Variants in DAB1 observed in about 807,000 individuals in gnomAD.
DAB1 encodes DAB adaptor protein 1, also known as disabled homolog 1.
DAB1 carries 15 observed loss-of-function variants against 64.6 expected under a neutral mutation model. The observed-to-expected ratio is 0.23, with a 90% CI of 0.16 to 0.36. DAB1 has a LOEUF of 0.36. DAB1 is among the 10% of genes least tolerant of loss of function. DAB1 has a pLI of 1.00. For missense variants in DAB1, 596 were observed against 706.7 expected (o/e 0.84, Z 1.78); for synonymous variants, 235 against 251.9 (o/e 0.93, Z 0.64).
intron 6 of DAB1, among the ~76,000 whole-genome samples, chr1:57,817,345 T>A (rs995590758): frequency 2.6e-5 from 4 of 152,196 alleles, no homozygotes; most frequent in Admixed American, 2.6e-4. Flanking sequence ...GGTCTTTGAA[T>A]GAAAATAGAT....
intron 5 of DAB1, among the ~76,000 whole-genome samples, chr1:57,943,062 G>A (rs1247441657): frequency 6.6e-6 from 1 of 152,106 alleles, no homozygotes; most frequent in Non-Finnish European, 1.5e-5. Context: ...CAGAAAAGGA[G>A]ACAATAATTC....
At chr1:57,792,350 A>G (rs1650641611) in intron 6 of DAB1, among the ~76,000 whole-genome samples, 1 of 152,220 alleles carries the variant, frequency 6.6e-6, no homozygotes, top group Non-Finnish European at 1.5e-5. Context: ...TTATTGCCAG[A>G]CAGCAGGCTG....
chr1:58,166,519 C>T (rs1655840647), intron 4 of DAB1, among the ~76,000 whole-genome samples: 2 of 152,156 alleles, frequency 1.3e-5, no homozygotes, highest in African/African-American at 4.8e-5. Flanking sequence ...CCTGGGTATA[C>T]TATATTTGTA....
intron 4 of DAB1, among the ~76,000 whole-genome samples, chr1:58,288,019 C>CA (rs763850453): frequency 0.04 from 870 of 21,944 alleles, 110 homozygotes; most frequent in African/African-American, 0.081. Context: ...AAGACTGCCT[C>CA]AAAAAAAAAA....
intron 6 of DAB1, among the ~76,000 whole-genome samples, chr1:57,756,037 C>T (rs1648789431): frequency 6.6e-6 from 1 of 152,118 alleles, no homozygotes; most frequent in Admixed American, 6.6e-5. Flanking sequence ...ACTTACTCTG[C>T]AACTGGCAAC....
At chr1:57,577,070 T>C (rs1045459002) in intron 7 of DAB1, among the ~76,000 whole-genome samples, 4 of 152,204 alleles carry the variant, frequency 2.6e-5, no homozygotes, top group Non-Finnish European at 5.9e-5. Context: ...AATAATTGTC[T>C]GCATACAAAT....
At chr1:58,220,149 C>CT (rs1171979525) in intron 4 of DAB1, among the ~76,000 whole-genome samples, 1 of 152,148 alleles carries the variant, frequency 6.6e-6, no homozygotes, top group African/African-American at 2.4e-5. Context: ...GAATGGTAAA[C>CT]TTTTTGTCAT....
intron 7 of DAB1, among the ~76,000 whole-genome samples, chr1:57,455,246 T>C (rs1686542580): frequency 6.6e-6 from 1 of 152,146 alleles, no homozygotes; most frequent in African/African-American, 2.4e-5. Flanking sequence ...AAGGGACGGG[T>C]CATTTTGTGA....
chr1:57,424,210 C>T (rs1685164650), upstream of DAB1, among the ~76,000 whole-genome samples: 1 of 149,992 alleles, frequency 6.7e-6, no homozygotes, highest in African/African-American at 2.4e-5. Context: ...GCTCCCCGGC[C>T]GCCGCCGCCG....
chr1:57,686,211 A>G (rs1051831693), intron 6 of DAB1, among the ~76,000 whole-genome samples: 2 of 152,298 alleles, frequency 1.3e-5, no homozygotes, highest in Middle Eastern at 3.4e-3. Flanking sequence ...AATGACAAAG[A>G]TGACATTACA....
chr1:57,567,338 C>T (rs1200198555), intron 7 of DAB1, among the ~76,000 whole-genome samples: 2 of 152,156 alleles, frequency 1.3e-5, no homozygotes, highest in Non-Finnish European at 2.9e-5. Context: ...TGGGCAAAAA[C>T]TGGAAGCATT....
At chr1:57,113,758 G>A (rs1655868914) in intron 4 of DAB1, among the ~76,000 whole-genome samples, 1 of 152,112 alleles carries the variant, frequency 6.6e-6, no homozygotes, top group Non-Finnish European at 1.5e-5. Flanking sequence ...TCTGGCTCTA[G>A]ATCCAGGAAG....
intron 3 of DAB1, among the ~76,000 whole-genome samples, chr1:58,368,884 G>A (rs546421430): frequency 4.6e-5 from 7 of 152,256 alleles, no homozygotes; most frequent in East Asian, 1.9e-4. Context: ...AAAATTATCC[G>A]GGCATGGTGG....
At chr1:58,073,025 AC>A (rs1394349338) in intron 5 of DAB1, among the ~76,000 whole-genome samples, 1 of 152,200 alleles carries the variant, frequency 6.6e-6, no homozygotes, top group East Asian at 1.9e-4. Flanking sequence ...TGAGGTAGTT[AC>A]TGTTATTTGT....
chr1:57,275,158 G>A (rs1014988635), intron 2 of DAB1, among the ~76,000 whole-genome samples: 43 of 152,206 alleles, frequency 2.8e-4, no homozygotes, highest in African/African-American at 1.0e-3. Context: ...AAGAGAGAGA[G>A]AATATAAAAC....
chr1:57,334,298 G>C (rs151098823), intron 1 of DAB1, among the ~76,000 whole-genome samples: 1 of 152,190 alleles, frequency 6.6e-6, no homozygotes, highest in Non-Finnish European at 1.5e-5. Context: ...TCCCCCTTGG[G>C]GTCAGGCTGC....
chr1:57,614,947 T>C (rs894465518), intron 7 of DAB1, among the ~76,000 whole-genome samples: 1 of 140,666 alleles, frequency 7.1e-6, no homozygotes, highest in Non-Finnish European at 1.5e-5. Context: ...CTCGGCTCAC[T>C]GCAAACTCCC....
At chr1:58,028,094 T>C (rs1646920238) in intron 5 of DAB1, among the ~76,000 whole-genome samples, 1 of 152,196 alleles carries the variant, frequency 6.6e-6, no homozygotes, top group African/African-American at 2.4e-5. Context: ...ATCAATACAC[T>C]AGGTATTTTA....
intron 4 of DAB1, among the ~76,000 whole-genome samples, chr1:57,097,599 A>T (rs747880901): frequency 4.6e-5 from 7 of 152,002 alleles, no homozygotes; most frequent in Non-Finnish European, 1.0e-4. Flanking sequence ...AGATCACAGA[A>T]CTCCTAAAGG....
Sources: allele counts gnomAD v4.1 joint callset (sites outside exome capture counted in the v4.1 genomes callset), GRCh38; gene constraint gnomAD v4.1.1; transcripts MANE v1.5; gene names NCBI Gene and HGNC (gene_info 2026-07-23, HGNC 2026-07-21).